EPHA6: variants seen among roughly 807,000 people sequenced by gnomAD.
The protein encoded by EPHA6 is ephrin type-A receptor 6.
In EPHA6, 50 loss-of-function variants were observed where a neutral mutation model predicts 112.0. That is an observed-to-expected ratio of 0.45 (90% CI 0.36 to 0.56). The LOEUF (loss-of-function observed/expected upper bound fraction) is 0.56. Among genes scored for constraint, EPHA6 ranks in the 20% least tolerant of loss-of-function variants. The pLI is 0.00. For synonymous variants in EPHA6, 529 were observed against 490.7 expected, an observed-to-expected ratio of 1.08 and a Z score of -1.03; for missense variants, 1,280 against 1,417.4, an observed-to-expected ratio of 0.90 and a Z score of 1.56.
At chr3:96,901,342 T>C (rs529972414) in intron 2 of EPHA6, among the ~76,000 whole-genome samples, 2 of 152,266 alleles carry the variant, frequency 1.3e-5, no homozygotes, top group South Asian at 4.1e-4. Context: ...TTGGGGACTA[T>C]ACATGTATGT....
chr3:96,957,329 A>T (rs895610387), intron 2 of EPHA6, among the ~76,000 whole-genome samples: 17 of 152,198 alleles, frequency 1.1e-4, no homozygotes, highest in Non-Finnish European at 5.9e-5. Context: ...TAAAGATATA[A>T]CTATGGTAGA....
intron 3 of EPHA6, among the ~76,000 whole-genome samples, chr3:96,995,261 C>T (rs537726268): frequency 6.6e-6 from 1 of 151,988 alleles, no homozygotes; most frequent in African/African-American, 2.4e-5. Flanking sequence ...ATATGAGATA[C>T]CAGGATTTGC....
intron 14 of EPHA6, among the ~76,000 whole-genome samples, chr3:97,719,079 G>GC (rs1221687957): frequency 7.2e-3 from 296 of 41,156 alleles, no homozygotes; most frequent in East Asian, 0.032. Flanking sequence ...ATCCGTTCCC[G>GC]CCCCCCCCAC....
chr3:97,161,335 T>C (rs1381304578), intron 3 of EPHA6, among the ~76,000 whole-genome samples: 2 of 152,170 alleles, frequency 1.3e-5, no homozygotes, highest in East Asian at 3.9e-4. Flanking sequence ...TGTAGGGACC[T>C]GTTCTACCCT....
chr3:96,933,189 A>G (rs2040418222), intron 2 of EPHA6, among the ~76,000 whole-genome samples: 1 of 152,170 alleles, frequency 6.6e-6, no homozygotes, highest in Non-Finnish European at 1.5e-5. Flanking sequence ...CTAAGCAAGG[A>G]CATAACTGTT....
intron 3 of EPHA6, among the ~76,000 whole-genome samples, chr3:97,075,667 T>G (rs2046493892): frequency 6.6e-6 from 1 of 151,924 alleles, no homozygotes; most frequent in South Asian, 2.1e-4. Flanking sequence ...CATATCTCAT[T>G]TCATTGTGCT....
intron 2 of EPHA6, among the ~76,000 whole-genome samples, chr3:96,934,456 CTTA>C (rs949490650): frequency 6.6e-6 from 1 of 151,342 alleles, no homozygotes; most frequent in Non-Finnish European, 1.5e-5. Context: ...TTCTGCATAC[CTTA>C]TTATTTTATT....
chr3:97,424,007 A>G (rs772381815), intron 6 of EPHA6, among the ~76,000 whole-genome samples: 1 of 152,216 alleles, frequency 6.6e-6, no homozygotes, highest in Non-Finnish European at 1.5e-5. Context: ...CTGCTAATAA[A>G]CACATACTTG....
intron 2 of EPHA6, among the ~76,000 whole-genome samples, chr3:96,897,211 A>ACACACACACAC (rs1559810632): frequency 2.1e-5 from 3 of 143,336 alleles, no homozygotes; most frequent in African/African-American, 7.5e-5. Flanking sequence ...TGTATATACA[A>ACACACACACAC]ACACACACAC....
intron 1 of EPHA6, among the ~76,000 whole-genome samples, chr3:96,853,128 T>C (rs1453520112): frequency 6.6e-6 from 1 of 152,116 alleles, no homozygotes; most frequent in African/African-American, 2.4e-5. Flanking sequence ...TTTGCTCCTC[T>C]AAGGCATAAA....
intron 10 of EPHA6, among the ~76,000 whole-genome samples, chr3:97,488,738 G>C (rs1271166506): frequency 6.6e-6 from 1 of 152,104 alleles, no homozygotes; most frequent in Non-Finnish European, 1.5e-5. Flanking sequence ...TTAGAAATGA[G>C]ATTCATTCTT....
At chr3:97,703,559 A>G (rs2033515646) in intron 14 of EPHA6, among the ~76,000 whole-genome samples, 1 of 152,222 alleles carries the variant, frequency 6.6e-6, no homozygotes, top group Non-Finnish European at 1.5e-5. Context: ...AAAGTTTTCC[A>G]GCCAACATTG....
intron 14 of EPHA6, chr3:97,646,390 A>G (rs1023107361): frequency 2.5e-5 from 24 of 979,580 alleles, no homozygotes; most frequent in Non-Finnish European, 3.2e-5. Context: ...AAAATACACT[A>G]AAGTAAATGA....
At chr3:97,482,404 G>A (rs773997291) in intron 9 of EPHA6, among the ~76,000 whole-genome samples, 1 of 152,180 alleles carries the variant, frequency 6.6e-6, no homozygotes, top group Non-Finnish European at 1.5e-5. Flanking sequence ...ATATAAAATA[G>A]AGGTACAAAC....
intron 5 of EPHA6, among the ~76,000 whole-genome samples, chr3:97,360,868 C>T (rs536930876): frequency 4.6e-5 from 7 of 152,108 alleles, no homozygotes; most frequent in Non-Finnish European, 1.0e-4. Flanking sequence ...TTTACTATCT[C>T]CCCTCATGCA....
chr3:97,058,462 C>T lies in EPHA6; in HGVS notation c.1114+70469C>T, dbSNP rs527532991. 3.3e-5 allele frequency among the ~76,000 whole-genome samples: 5 copies of T among 152,136 alleles called. 1 individual carries two copies. The South Asian group carries it at 1.0e-3, about 32-fold the overall frequency. On this transcript the variant is annotated intron_variant, in intron 3 of 17. Transcript: ENST00000389672. ...ACAGGCAGGCACCACCCTCCGGCCC[C>T]AGCTAATTTTTGTATTTTTGGTGGA... is the stretch of plus-strand genomic sequence containing the variant.
intron 3 of EPHA6, among the ~76,000 whole-genome samples, chr3:97,189,318 G>C (rs529714792): frequency 5.9e-5 from 9 of 152,082 alleles, no homozygotes; most frequent in African/African-American, 2.2e-4. Context: ...TTGAGAAATA[G>C]CCCTTGGAAA....
intron 5 of EPHA6, among the ~76,000 whole-genome samples, chr3:97,245,033 T>C (rs185114629): frequency 6.6e-6 from 1 of 152,144 alleles, no homozygotes; most frequent in East Asian, 1.9e-4. Flanking sequence ...TCATAAATTA[T>C]ATGGGCACAC....
At chr3:97,404,445 G>A (rs891722723) in intron 5 of EPHA6, among the ~76,000 whole-genome samples, 13 of 151,946 alleles carry the variant, frequency 8.6e-5, no homozygotes, top group African/African-American at 2.9e-4. Context: ...TTAGAAATTA[G>A]AATACTTAAA....
Sources: allele counts gnomAD v4.1 joint callset (sites outside exome capture counted in the v4.1 genomes callset), GRCh38; gene constraint gnomAD v4.1.1; transcripts MANE v1.5; gene names NCBI Gene and HGNC (gene_info 2026-07-23, HGNC 2026-07-21).